NEU3: variants seen among roughly 807,000 people sequenced by gnomAD.
NEU3 encodes sialidase-3.
Under a neutral mutation model 11.4 loss-of-function variants are expected in NEU3, and 10 were observed. The observed-to-expected ratio is 0.88, with a 90% confidence interval of 0.54 to 1.49. The LOEUF (loss-of-function observed/expected upper bound fraction) is 1.49, where lower values mean the gene tolerates loss of function less well. NEU3 is among the 40% of genes most tolerant of loss of function. The pLI, the probability that NEU3 is intolerant of heterozygous loss-of-function variation, is 0.00. For missense variants in NEU3, 529 were observed against 581.8 expected (o/e 0.91, Z 0.93); for synonymous variants, 212 against 228.2 (o/e 0.93, Z 0.64).
In NEU3 at chr11:74,989,052, C is replaced by A. The variant is rs562171590; in HGVS notation, c.-9C>A. ...CCTTGGGGCCGGTGCCTCTTCCGGGCTTCGGCGAATGAGACCTGCGGACCT... is the reference window on the plus strand; with the variant it reads ...CCTTGGGGCCGGTGCCTCTTCCGGGATTCGGCGAATGAGACCTGCGGACCT... On this transcript the variant is annotated 5_prime_UTR_variant, in exon 1 of 3. Coordinates refer to ENST00000294064, the MANE Select transcript of NEU3 (RefSeq NM_006656.6). 1 of 1,549,394 alleles carries A rather than the reference C, an allele frequency of 6.5e-7. No individual in the cohort carries two copies. The highest frequency in any genetic ancestry group is 1.4e-5 in the African/African-American group (1 of 73,062).
At chr11:75,001,525 C>A (rs1010857914) in intron 2 of NEU3, among the ~76,000 whole-genome samples, 1 of 152,002 alleles carries the variant, frequency 6.6e-6, no homozygotes, top group Non-Finnish European at 1.5e-5. Flanking sequence ...TCAAGTAATC[C>A]ACCCGCCTTG....
chr11:74,985,105 G>A (rs551714163), upstream of NEU3, among the ~76,000 whole-genome samples: 11 of 152,260 alleles, frequency 7.2e-5, no homozygotes, highest in Non-Finnish European at 1.0e-4. Flanking sequence ...AGAAAGATTT[G>A]GTATTAGCTT....
At chr11:74,994,851 C>G (rs1261738277) in intron 2 of NEU3, 131 bp downstream of exon 2, 1 of 841,786 alleles carries the variant, frequency 1.2e-6, no homozygotes. Context: ...GAAAAAACAG[C>G]AAAAACAATG....
chr11:74,997,271 C>T (rs1347958145), intron 2 of NEU3, among the ~76,000 whole-genome samples: 1 of 152,230 alleles, frequency 6.6e-6, no homozygotes, highest in Non-Finnish European at 1.5e-5. Flanking sequence ...TGCTGCTTCA[C>T]CTTGCCCTTT....
intron 1 of NEU3, chr11:74,989,970 T>C (rs1948712253): frequency 1.3e-5 from 9 of 702,414 alleles, no homozygotes. Flanking sequence ...CAGCACCTGA[T>C]TTGTGTGAAA....
At chr11:75,003,651 A>G (rs1208558750) in intron 2 of NEU3, among the ~76,000 whole-genome samples, 1 of 152,162 alleles carries the variant, frequency 6.6e-6, no homozygotes, top group African/African-American at 2.4e-5. Flanking sequence ...GCATTTTGAG[A>G]GGCTGAGGCA....
chr11:75,015,783 C>T (rs594144), downstream of NEU3, among the ~76,000 whole-genome samples: 56,163 of 152,110 alleles, frequency 0.37, 11,464 homozygotes, highest in Non-Finnish European at 0.47. Context: ...AGGTGTCCAA[C>T]TTGTGTCCCT....
chr11:74,998,519 G>A (rs1035122257), intron 2 of NEU3, among the ~76,000 whole-genome samples: 5 of 152,110 alleles, frequency 3.3e-5, no homozygotes, highest in Admixed American at 2.6e-4. Flanking sequence ...ATATAGTTGT[G>A]TCATCTCTCT....
rs115842768 is a variant in NEU3, at chr11:75,004,490, C to T, written c.307-923C>T. 4.0e-3 allele frequency: 1,835 copies of T among 462,904 alleles called. 32 individuals are homozygous for T. Among genetic ancestry groups the T allele is most frequent in the African/African-American group, 0.033 (1,631 of 49,210 alleles). The allele number at this position is 462,904 out of a possible 1,614,324, so 28.7% of individuals were successfully genotyped here. ...TTTCTGTGAGTTGTCTGATCTTGCCCTTTGCCCATTTCTGTTGGATTCCTG... is the reference window on the plus strand; with the variant it reads ...TTTCTGTGAGTTGTCTGATCTTGCCTTTTGCCCATTTCTGTTGGATTCCTG... On this transcript the variant is annotated intron_variant, in intron 2 of 2. Coordinates refer to ENST00000294064, the MANE Select transcript of NEU3 (RefSeq NM_006656.6).
chr11:75,015,713 A>T (rs1399008876), downstream of NEU3, among the ~76,000 whole-genome samples: 1 of 152,188 alleles, frequency 6.6e-6, no homozygotes, highest in Non-Finnish European at 1.5e-5. Context: ...CTCATGAGGT[A>T]GGAGGAATAC....
At position 74,988,966 on chromosome 11, in the gene NEU3, T is replaced by A. The variant is rs1948698161; in HGVS notation, c.-95T>A. 3 of 938,014 alleles carry A rather than the reference T, an allele frequency of 3.2e-6. No individual in the cohort carries two copies. Among genetic ancestry groups the A allele is most frequent in the Non-Finnish European group, 4.9e-6 (3 of 614,626 alleles). 58.1% of individuals were successfully genotyped at this position (938,014 alleles called of 1,614,324 possible). A position where few individuals can be genotyped will look rare whatever the true frequency, so the allele number is the denominator to read the frequency against. On this transcript the variant is annotated 5_prime_UTR_variant, in exon 1 of 3. Transcript: ENST00000294064. ...CGCTCTTCGCTTCTCGGGGCTTGTCTCCGTGTCCTCCGTCTCAGTTGTTTC... is the reference window on the plus strand; with the variant it reads ...CGCTCTTCGCTTCTCGGGGCTTGTCACCGTGTCCTCCGTCTCAGTTGTTTC...
the NEU3 span, among the ~76,000 whole-genome samples, chr11:74,982,713 G>T: frequency 6.6e-6 from 1 of 152,014 alleles, no homozygotes; most frequent in African/African-American, 2.4e-5. Flanking sequence ...CAAATACCAT[G>T]GGGCAGATCT....
At position 74,992,565 on chromosome 11, in the gene NEU3, C is replaced by T. The variant is rs1948744349; in HGVS notation, c.95-1944C>T. Reference sequence around the variant, plus strand: ...GTCTGGCTTGATTCCCCTTTTGGACCTCTGAGAAGTGGAACACCTGGTTTT... The same window carrying T: ...GTCTGGCTTGATTCCCCTTTTGGACTTCTGAGAAGTGGAACACCTGGTTTT... On this transcript the variant is annotated intron_variant, in intron 1 of 2. Transcript: ENST00000294064. 2.6e-5 allele frequency among the ~76,000 whole-genome samples: 4 copies of T among 152,178 alleles called. No individual in the cohort carries two copies. The South Asian group carries it at 8.3e-4, about 31-fold the overall frequency.
At chr11:74,991,086 A>G (rs1489346460) in intron 1 of NEU3, among the ~76,000 whole-genome samples, 10 of 152,238 alleles carry the variant, frequency 6.6e-5, no homozygotes, top group African/African-American at 2.4e-4. Context: ...GAGAAGTTGA[A>G]TAACATGCCC....
chr11:75,006,178 T>A lies in NEU3; in HGVS notation c.1072T>A (p.Ser358Thr). 6.2e-7 allele frequency: 1 copy of A among 1,613,994 alleles called. No homozygotes were observed. ...GCTGGAGGAGGAAGCTGGAACACCG[T>A]CAGAATCATGGCTCTTGTACTCACA... ...LRLEEEAGTP[S>T]ESWLLYSHPT... is the part of the protein sequence containing the mutation. Residue 358 changes from serine (S) to threonine (T), a missense_variant, in exon 3 of 3, where the codon TCA becomes ACA. Physicochemically the swap from Ser to Thr is moderately conservative, Grantham distance 58. Coordinates refer to ENST00000294064, the MANE Select transcript of NEU3 (RefSeq NM_006656.6).
chr11:74,996,817 G>C (rs1415262963), intron 2 of NEU3, among the ~76,000 whole-genome samples: 1 of 152,196 alleles, frequency 6.6e-6, no homozygotes, highest in Non-Finnish European at 1.5e-5. Flanking sequence ...TGTTGTATTA[G>C]TGGCCGTGAA....
chr11:74,982,892 T>A, the NEU3 span, among the ~76,000 whole-genome samples: 1 of 152,062 alleles, frequency 6.6e-6, no homozygotes, highest in South Asian at 2.1e-4. Flanking sequence ...CTCTTCCACC[T>A]CCTCCTTCCA....
At chr11:74,995,839 C>T (rs1948785528) in intron 2 of NEU3, among the ~76,000 whole-genome samples, 1 of 151,562 alleles carries the variant, frequency 6.6e-6, no homozygotes, top group African/African-American at 2.4e-5. Flanking sequence ...GCATTTCTTA[C>T]TTACATAGAT....
intron 2 of NEU3, among the ~76,000 whole-genome samples, chr11:75,003,150 G>A (rs1469980849): frequency 6.6e-6 from 1 of 152,274 alleles, no homozygotes; most frequent in South Asian, 2.1e-4. Context: ...CTAGAGTGAT[G>A]GTTTTAAGGG....
Sources: gnomAD v4.1 joint callset for allele counts (sites outside exome capture counted in the v4.1 genomes callset) on GRCh38, gnomAD v4.1.1 for gene constraint, MANE v1.5 for transcripts, NCBI Gene and HGNC (gene_info 2026-07-23, HGNC 2026-07-21) for gene names.